The following SCN9A variants were observed in gnomAD, a reference collection of about 807,000 sequenced individuals.
SCN9A encodes sodium voltage-gated channel alpha subunit 9.
SCN9A carries 131 observed loss-of-function variants against 187.0 expected under a neutral mutation model. The observed-to-expected ratio is 0.70, with a 90% CI of 0.61 to 0.81. SCN9A has a LOEUF of 0.81. Ranked by LOEUF, SCN9A falls within the 30% of genes least tolerant of loss-of-function variation. The pLI, the probability that SCN9A is intolerant of heterozygous loss-of-function variation, is 0.00. For synonymous variants in SCN9A, 809 were observed against 808.6 expected (o/e 1.00, Z -0.01); for missense variants, 2,252 against 2,396.6 (o/e 0.94, Z 1.26).
intron 17 of SCN9A, among the ~76,000 whole-genome samples, chr2:166,252,735 C>T (rs1337482750): frequency 6.6e-6 from 1 of 151,654 alleles, no homozygotes; most frequent in Non-Finnish European, 1.5e-5. Flanking sequence ...GTTTTTCTCA[C>T]CCAGAGCTTT....
chr2:166,314,818 G>A (rs1187715663), intron 1 of SCN9A, among the ~76,000 whole-genome samples: 2 of 152,242 alleles, frequency 1.3e-5, no homozygotes, highest in South Asian at 2.1e-4. Flanking sequence ...GATTATTGAT[G>A]GTTATGTGGT....
intron 1 of SCN9A, among the ~76,000 whole-genome samples, chr2:166,338,702 C>G (rs1205661352): frequency 3.3e-5 from 5 of 152,116 alleles, no homozygotes; most frequent in Non-Finnish European, 7.3e-5. Flanking sequence ...TCATTAGTCT[C>G]TTTTTATCTG....
At chr2:166,248,501 C>T (rs1695892755) in intron 18 of SCN9A, among the ~76,000 whole-genome samples, 1 of 152,132 alleles carries the variant, frequency 6.6e-6, no homozygotes, top group Non-Finnish European at 1.5e-5. Context: ...TATGCAGAAA[C>T]TCCAAGAAAT....
intron 1 of SCN9A, among the ~76,000 whole-genome samples, chr2:166,366,358 T>A (rs1034928081): frequency 6.6e-6 from 1 of 152,182 alleles, no homozygotes; most frequent in African/African-American, 2.4e-5. Flanking sequence ...GATTTCCTTC[T>A]TTTTTTAAGG....
intron 1 of SCN9A, among the ~76,000 whole-genome samples, chr2:166,331,391 C>T (rs1699499390): frequency 6.6e-6 from 1 of 152,134 alleles, no homozygotes; most frequent in Non-Finnish European, 1.5e-5. Flanking sequence ...TTTGGGAACA[C>T]CTCCATCAAG....
At chr2:166,227,323 T>C (rs988737701) in intron 23 of SCN9A, among the ~76,000 whole-genome samples, 2 of 152,214 alleles carry the variant, frequency 1.3e-5, no homozygotes, top group Admixed American at 1.3e-4. Flanking sequence ...TATTTTCTTG[T>C]TGGGTCCTCA....
At chr2:166,239,224 A>T (rs1053922219) in intron 19 of SCN9A, among the ~76,000 whole-genome samples, 45 of 7,072 alleles carry the variant, frequency 6.4e-3, no homozygotes, top group Non-Finnish European at 0.02. Flanking sequence ...CTCTGTCTCA[A>T]AAAAAAAAAA....
At chr2:166,338,587 T>C (rs1212927464) in intron 1 of SCN9A, among the ~76,000 whole-genome samples, 1 of 152,212 alleles carries the variant, frequency 6.6e-6, no homozygotes, top group Non-Finnish European at 1.5e-5. Context: ...TTAACAATTA[T>C]ATAACCATAG....
chr2:166,370,976 A>G (rs1030354248), intron 1 of SCN9A, among the ~76,000 whole-genome samples: 3 of 152,246 alleles, frequency 2.0e-5, no homozygotes, highest in African/African-American at 4.8e-5. Context: ...TAAAAAATCC[A>G]AGGAGACATT....
intron 1 of SCN9A, among the ~76,000 whole-genome samples, chr2:166,328,441 G>A (rs894225120): frequency 3.3e-5 from 5 of 151,900 alleles, no homozygotes; most frequent in African/African-American, 1.2e-4. Context: ...GTTCCAGTGT[G>A]TGTTTTTCCC....
chr2:166,295,026 C>G (rs1009462048), intron 7 of SCN9A, among the ~76,000 whole-genome samples: 2 of 152,062 alleles, frequency 1.3e-5, no homozygotes, highest in African/African-American at 4.8e-5. Context: ...ATTAAGGCAA[C>G]GTGGTAGGCT....
At chr2:166,203,480 C>T (rs1395841084) in intron 26 of SCN9A, among the ~76,000 whole-genome samples, 1 of 151,798 alleles carries the variant, frequency 6.6e-6, no homozygotes, top group African/African-American at 2.4e-5. Context: ...AAGTATTAAG[C>T]TGTAAAAAAT....
At chr2:166,273,544 C>T (rs1198590957) in intron 16 of SCN9A, among the ~76,000 whole-genome samples, 2 of 151,938 alleles carry the variant, frequency 1.3e-5, no homozygotes, top group East Asian at 1.9e-4. Flanking sequence ...TATGTTTGCC[C>T]TAGAAGAGAT....
intron 20 of SCN9A, among the ~76,000 whole-genome samples, chr2:166,233,950 TCAA>T (rs1695205021): frequency 6.6e-6 from 1 of 152,170 alleles, no homozygotes; most frequent in African/African-American, 2.4e-5. Context: ...GGGCAAATTC[TCAA>T]CAAGATTGCT....
At chr2:166,368,245 C>T (rs1700465237) in intron 1 of SCN9A, among the ~76,000 whole-genome samples, 1 of 152,176 alleles carries the variant, frequency 6.6e-6, no homozygotes, top group African/African-American at 2.4e-5. Context: ...GCTCAGTTAG[C>T]ATTAAGGAGA....
intron 1 of SCN9A, among the ~76,000 whole-genome samples, chr2:166,371,440 A>G (rs934855716): frequency 1.3e-5 from 2 of 152,116 alleles, no homozygotes; most frequent in East Asian, 3.9e-4. Context: ...TTTAGCTGCC[A>G]AGAGCTGATG....
chr2:166,284,918 A>G, intron 11 of SCN9A, 94 bp from the exon 12 acceptor site: 1 of 1,335,056 alleles, frequency 7.5e-7, no homozygotes, highest in Non-Finnish European at 1.0e-6. Flanking sequence ...GCCTGAGGGC[A>G]GGTGGCTCTG....
intron 1 of SCN9A, among the ~76,000 whole-genome samples, chr2:166,360,943 T>C (rs1050759335): frequency 6.6e-6 from 1 of 152,182 alleles, no homozygotes; most frequent in East Asian, 1.9e-4. Flanking sequence ...AAAATATAGA[T>C]CTGCAGTAAA....
At chr2:166,285,120 A>G (rs529722152) in intron 11 of SCN9A, among the ~76,000 whole-genome samples, 37 of 152,186 alleles carry the variant, frequency 2.4e-4, no homozygotes, top group Non-Finnish European at 3.2e-4. Context: ...ATTTTGCTGC[A>G]CAGAACTTAT....
Sources: allele counts gnomAD v4.1 joint callset (sites outside exome capture counted in the v4.1 genomes callset), GRCh38; gene constraint gnomAD v4.1.1; transcripts MANE v1.5; gene names NCBI Gene and HGNC (gene_info 2026-07-23, HGNC 2026-07-21).